Variants in GNRHR observed in about 807,000 individuals in gnomAD.
GNRHR encodes gonadotropin releasing hormone receptor, also known as gonadotropin-releasing hormone receptor.
In GNRHR, 14 loss-of-function variants were observed where a neutral mutation model predicts 28.1. The ratio of observed to expected loss-of-function variants is 0.50; its 90% CI spans 0.33 to 0.78. The LOEUF (loss-of-function observed/expected upper bound fraction) is 0.78, where lower values mean the gene tolerates loss of function less well. GNRHR is among the 30% of genes least tolerant of loss of function. GNRHR has a pLI of 0.02. For missense variants in GNRHR, 366 were observed against 382.1 expected, an observed-to-expected ratio of 0.96 and a Z score of 0.35; for synonymous variants, 141 against 140.5, an observed-to-expected ratio of 1.00 and a Z score of -0.02.
intron 2 of GNRHR, among the ~76,000 whole-genome samples, chr4:67,742,016 C>A (rs1731669856): frequency 6.6e-6 from 1 of 152,096 alleles, no homozygotes; most frequent in Admixed American, 6.6e-5. Flanking sequence ...GTTAACTCTG[C>A]TGATTATTTC....
In GNRHR at chr4:67,740,465, T is replaced by A. The variant is rs765355704; in HGVS notation, c.*15A>T. On this transcript the variant is annotated 3_prime_UTR_variant, in exon 3 of 3. Coordinates refer to ENST00000226413, the MANE Select transcript of GNRHR (RefSeq NM_000406.3). ...CCTTACCCTTCTTCATATGACTTCT[T>A]GTGTAGTCTATCAATCACAGAGAAA... The A allele has an allele frequency of 3.2e-6, 5 of 1,579,748 alleles. No homozygotes were observed. In the South Asian group the frequency reaches 4.4e-5, roughly 14 times the overall value.
rs1731627959 is a variant in GNRHR, at chr4:67,740,037, T to A, written c.*443A>T. The A allele has an allele frequency of 5.7e-6, 1 of 175,794 alleles. No individual in the cohort carries two copies. The highest frequency in any genetic ancestry group is 1.2e-5 in the Non-Finnish European group (1 of 82,178). The allele number at this position is 175,794 out of a possible 1,614,324, so 10.9% of individuals were successfully genotyped here. On this transcript the variant is annotated 3_prime_UTR_variant, in exon 3 of 3. Transcript: ENST00000226413. Reference sequence around the variant, plus strand: ...AAAGGGCTCTGTGCTCTATGTATTATATAGCATACAACTCTAATTGCTAAT... The same window carrying A: ...AAAGGGCTCTGTGCTCTATGTATTAAATAGCATACAACTCTAATTGCTAAT...
chr4:67,744,915 C>T, intron 1 of GNRHR, 128 bp from the exon 2 acceptor site: 1 of 609,458 alleles, frequency 1.6e-6, no homozygotes, highest in South Asian at 2.1e-5. Context: ...TGTTATACTT[C>T]TGACGTTTCT....
chr4:67,753,620 G>A (rs1731909893), intron 1 of GNRHR, 194 bp downstream of exon 1: 1 of 600,678 alleles, frequency 1.7e-6, no homozygotes, highest in Non-Finnish European at 3.0e-6. Flanking sequence ...TATCGGTAAA[G>A]GAACTGAAAC....
chr4:67,749,955 TTTTC>T (rs1315983265), intron 1 of GNRHR, among the ~76,000 whole-genome samples: 1 of 152,128 alleles, frequency 6.6e-6, no homozygotes, highest in African/African-American at 2.4e-5. Flanking sequence ...TTTCTGTACT[TTTTC>T]TTTCCTGACT....
At chr4:67,751,239 TTTC>T (rs1553914030) in intron 1 of GNRHR, among the ~76,000 whole-genome samples, 1 of 152,216 alleles carries the variant, frequency 6.6e-6, no homozygotes, top group Non-Finnish European at 1.5e-5. Context: ...GTAGTGTGTA[TTTC>T]TTACTTTGGA....
At chr4:67,744,837 A>G (rs1381930576) in intron 1 of GNRHR, 50 bp from the exon 2 acceptor site, 6 of 1,100,834 alleles carry the variant, frequency 5.5e-6, no homozygotes, top group East Asian at 2.3e-5. Flanking sequence ...ATGGTATTTG[A>G]AAGTTTTCTC....
intron 1 of GNRHR, among the ~76,000 whole-genome samples, chr4:67,751,324 G>T (rs1398332288): frequency 1.3e-5 from 2 of 152,070 alleles, no homozygotes; most frequent in Non-Finnish European, 2.9e-5. Context: ...ATGAAATAGG[G>T]ATAATAACAC....
In GNRHR at chr4:67,738,329, C is replaced by T. The variant is rs1170362591; in HGVS notation, c.*2151G>A. The stretch of plus-strand genomic sequence containing the variant: ...CCTCTCAGGACTGTGTTTTTAAATG[C>T]ATAAAATAATACAAATAGGACTAAA... On this transcript the variant is annotated 3_prime_UTR_variant, in exon 3 of 3. Coordinates refer to ENST00000226413, the MANE Select transcript of GNRHR (RefSeq NM_000406.3). Among the ~76,000 whole-genome samples, 1 of 151,040 alleles carries T rather than the reference C, an allele frequency of 6.6e-6. No homozygotes were observed. Among genetic ancestry groups the T allele is most frequent in the Non-Finnish European group, 1.5e-5 (1 of 67,680 alleles).
At chr4:67,752,641 A>G (rs1731891296) in intron 1 of GNRHR, among the ~76,000 whole-genome samples, 2 of 150,696 alleles carry the variant, frequency 1.3e-5, no homozygotes, top group South Asian at 2.1e-4. Context: ...TAAATCATAT[A>G]TTTTTCTTCA....
chr4:67,744,912 CT>C, intron 1 of GNRHR, 125 bp from the exon 2 acceptor site: 1 of 618,862 alleles, frequency 1.6e-6, no homozygotes, highest in South Asian at 2.0e-5. Context: ...TAGTGTTATA[CT>C]TCTGACGTTT....
chr4:67,739,984 T>G lies in GNRHR; in HGVS notation c.*496A>C, dbSNP rs1731626926. 6.6e-6 allele frequency: 1 copy of G among 152,574 alleles called. No individual in the cohort carries two copies. The highest frequency in any genetic ancestry group is 6.5e-5 in the Admixed American group (1 of 15,326). 9.5% of individuals were successfully genotyped at this position (152,574 alleles called of 1,614,324 possible). A position where few individuals can be genotyped will look rare whatever the true frequency, so the allele number is the denominator to read the frequency against. ...TAGATTCATTTTTTTTCTTTTTAAC[T>G]ATAGGAGGGAAAGTTGATATTATGG... On this transcript the variant is annotated 3_prime_UTR_variant, in exon 3 of 3. Coordinates refer to ENST00000226413, the MANE Select transcript of GNRHR (RefSeq NM_000406.3).
chr4:67,747,190 T>G (rs1449080644), intron 1 of GNRHR: 1 of 152,212 alleles, frequency 6.6e-6, no homozygotes, highest in African/African-American at 2.4e-5. Flanking sequence ...CCATATGACC[T>G]GAGTTTTACT....
intron 2 of GNRHR, among the ~76,000 whole-genome samples, chr4:67,741,281 T>C (rs1263379193): frequency 1.3e-5 from 2 of 152,164 alleles, no homozygotes; most frequent in Non-Finnish European, 2.9e-5. Flanking sequence ...CTCCCACATA[T>C]GAATGAGAAC....
intron 2 of GNRHR, 113 bp downstream of exon 2, chr4:67,744,455 A>G (rs1030220769): frequency 1.4e-5 from 10 of 718,152 alleles, no homozygotes; most frequent in African/African-American, 1.0e-4. Context: ...TAAATGAGCT[A>G]ATATATGCAA....
At chr4:67,753,614 G>T in intron 1 of GNRHR, 200 bp downstream of exon 1, 1 of 592,010 alleles carries the variant, frequency 1.7e-6, no homozygotes, top group Non-Finnish European at 3.0e-6. Flanking sequence ...ACATTTTATC[G>T]GTAAAGGAAC....
At chr4:67,753,061 T>C (rs982846990) in intron 1 of GNRHR, among the ~76,000 whole-genome samples, 10 of 152,192 alleles carry the variant, frequency 6.6e-5, no homozygotes, top group Non-Finnish European at 1.5e-4. Context: ...GTTCAGCAGG[T>C]CAGTTAACTA....
rs1731612066 is a variant in GNRHR at position 67,739,322 on chromosome 4, C to CT, written c.*1157dup. Reference sequence around the variant, plus strand: ...CCATGGGCTGCTGTGGCAGTCTAGTCTATCCCCTTAAGATTGTGTTTTTTA... The same window carrying CT: ...CCATGGGCTGCTGTGGCAGTCTAGTCTTATCCCCTTAAGATTGTGTTTTTTA... On this transcript the variant is annotated 3_prime_UTR_variant, in exon 3 of 3. Coordinates refer to ENST00000226413, the MANE Select transcript of GNRHR (RefSeq NM_000406.3). 6.6e-6 allele frequency: 1 copy of CT among 151,962 alleles called. No homozygotes were observed. The highest frequency in any genetic ancestry group is 1.5e-5 in the Non-Finnish European group (1 of 67,902). 9.4% of individuals were successfully genotyped at this position (151,962 alleles called of 1,614,324 possible).
chr4:67,749,186 G>T (rs571697872), intron 1 of GNRHR, among the ~76,000 whole-genome samples: 2 of 152,130 alleles, frequency 1.3e-5, no homozygotes, highest in East Asian at 3.9e-4. Context: ...AATTTAAACC[G>T]TTGGCCAATG....
Sources: allele counts gnomAD v4.1 joint callset (sites outside exome capture counted in the v4.1 genomes callset), GRCh38; gene constraint gnomAD v4.1.1; transcripts MANE v1.5; gene names NCBI Gene and HGNC (gene_info 2026-07-23, HGNC 2026-07-21).